Variants in HGS observed in about 807,000 individuals in gnomAD.
HGS encodes the protein human growth factor-regulated tyrosine kinase substrate.
Under a neutral mutation model 109.7 loss-of-function variants are expected in HGS, and 63 were observed. The observed-to-expected ratio is 0.57, with a 90% confidence interval of 0.47 to 0.71. The LOEUF (loss-of-function observed/expected upper bound fraction) is 0.71, where lower values mean the gene tolerates loss of function less well. HGS is among the 30% of genes least tolerant of loss of function. The pLI is 0.00. For synonymous variants in HGS, 546 were observed against 437.3 expected (o/e 1.25, Z -3.10); for missense variants, 995 against 1,068.3 (o/e 0.93, Z 0.96).
At position 81,693,890 on chromosome 17, in the gene HGS, T is replaced by G. The variant is rs751281303; in HGVS notation, c.861T>G (p.Thr287=). ...KERLRQKSTY[T]SYPKAEPMPS... ...CTCAGAGACAGAAGTCCACGTACAC[T>G]TCGTACCCCAAGGCGGAGCCCATGC... is the stretch of plus-strand genomic sequence containing the variant. The change falls in exon 11 of 22, where the codon ACT becomes ACG. Residue 287 remains threonine (T), a synonymous_variant. Transcript: ENST00000329138. 3 of 1,610,566 alleles carry G rather than the reference T, an allele frequency of 1.9e-6. No individual in the cohort carries two copies. The East Asian group carries it at 6.7e-5, about 36-fold the overall frequency.
chr17:81,701,620 C>T lies in HGS; in HGVS notation c.*2C>T. ...GCCCAGCTCATTTCATTCGACTGAC[C>T]CAGGCCATGCTCACGTCCGGAGTAA... On this transcript the variant is annotated 3_prime_UTR_variant, in exon 22 of 22. Coordinates refer to ENST00000329138, the MANE Select transcript of HGS (RefSeq NM_004712.5). 1.3e-6 allele frequency: 2 copies of T among 1,558,474 alleles called. No individual in the cohort carries two copies. The highest frequency in any genetic ancestry group is 1.8e-5 in the Admixed American group (1 of 55,394).
Position 81,701,691 on chromosome 17 carries a change from G to C in HGS, c.*73G>C. 6.7e-7 allele frequency: 1 copy of C among 1,500,444 alleles called. No homozygotes were observed. The highest frequency in any genetic ancestry group is 1.2e-5 in the South Asian group (1 of 80,952). The allele number at this position is 1,500,444 out of a possible 1,614,324, so 92.9% of individuals were successfully genotyped here. A position where few individuals can be genotyped will look rare whatever the true frequency, so the allele number is the denominator to read the frequency against. On this transcript the variant is annotated 3_prime_UTR_variant, in exon 22 of 22. Coordinates refer to ENST00000329138, the MANE Select transcript of HGS (RefSeq NM_004712.5). Reference sequence around the variant, plus strand: ...AAACGCCTCGTCTCTAACTGCCGTCGTCCTGCCTCCCTGTCCTCTACTGCC... The same window carrying C: ...AAACGCCTCGTCTCTAACTGCCGTCCTCCTGCCTCCCTGTCCTCTACTGCC...
At chr17:81,697,053 C>T (rs549178904) in intron 18 of HGS, 55 bp downstream of exon 18, 2 of 1,479,076 alleles carry the variant, frequency 1.4e-6, no homozygotes, top group African/African-American at 1.4e-5. Flanking sequence ...TTTATTTTAG[C>T]CGAATTTACA....
intron 5 of HGS, among the ~76,000 whole-genome samples, chr17:81,689,585 G>A (rs1190710805): frequency 1.3e-5 from 2 of 152,186 alleles, no homozygotes; most frequent in African/African-American, 4.8e-5. Context: ...CTGAAGACGA[G>A]GCTGAGAGCG....
chr17:81,684,012 C>A lies in HGS; in HGVS notation c.-55C>A, dbSNP rs1475607007. 1.9e-6 allele frequency: 3 copies of A among 1,563,818 alleles called. No homozygotes were observed. The highest frequency in any genetic ancestry group is 2.7e-5 in the African/African-American group (2 of 74,046). The stretch of plus-strand genomic sequence containing the variant: ...AGGCGGAAGCGGAAGTCGGGGGGCG[C>A]GCCAGCTCGTAGCAGGGGAGCGCCC... On this transcript the variant is annotated 5_prime_UTR_variant, in exon 1 of 22. Transcript: ENST00000329138.
chr17:81,701,068 C>T lies in HGS; in HGVS notation c.2160C>T (p.Ser720=). 2 of 1,614,056 alleles carry T rather than the reference C, an allele frequency of 1.2e-6. No individual in the cohort carries two copies. Among genetic ancestry groups the T allele is most frequent in the Non-Finnish European group, 1.7e-6 (2 of 1,179,984 alleles). Reference sequence around the variant, plus strand: ...AGAATCTCATGACCACCCTCCCAAGCCAGGATGCGTCTCTGCCACCCCAGC... The same window carrying T: ...AGAATCTCATGACCACCCTCCCAAGTCAGGATGCGTCTCTGCCACCCCAGC... The part of the protein sequence containing the change: ...NMQNLMTTLP[S]QDASLPPQQP... The change falls in exon 21 of 22, where the codon AGC becomes AGT. Residue 720 remains serine, a synonymous_variant. Coordinates refer to ENST00000329138, the MANE Select transcript of HGS (RefSeq NM_004712.5).
chr17:81,701,319 G>C (rs1219253877), intron 21 of HGS, 188 bp downstream of exon 21: 2 of 810,062 alleles, frequency 2.5e-6, no homozygotes, highest in Non-Finnish European at 1.9e-6. Context: ...ACGCGCATCC[G>C]CAAGTGTAGA....
intron 21 of HGS, 84 bp downstream of exon 21, chr17:81,701,215 T>C (rs766569956): frequency 8.0e-7 from 1 of 1,257,040 alleles, no homozygotes; most frequent in South Asian, 1.2e-5. Context: ...CTGGCCCCAG[T>C]GGGGATTGTC....
chr17:81,691,394 C>G lies in HGS; in HGVS notation c.538-53C>G. On this transcript the variant is annotated intron_variant, in intron 7 of 21. Coordinates refer to ENST00000329138, the MANE Select transcript of HGS (RefSeq NM_004712.5). This position sits in a 1 kb window ranked among gnomAD's most constrained non-coding sequence, Gnocchi z 5.3. ...TACGGGGTGGTTCTGGGCCGGGTGG[C>G]GCATCAGGGTCCCCCAGTGCCTGTG... The G allele has an allele frequency of 6.2e-7, 1 of 1,607,614 alleles. No individual in the cohort carries two copies. The highest frequency in any genetic ancestry group is 8.5e-7 in the Non-Finnish European group (1 of 1,177,724).
Position 81,696,653 on chromosome 17 carries a change from A to G in HGS, c.1613A>G (p.Glu538Gly). ...QRQLAIQRLQ[E>G]QEKERQMRLE... Reference sequence around the variant, plus strand: ...CAGCTGGCCATCCAGCGCCTGCAGGAGCAGGAGAAGGAGCGGCAGATGCGG... The same window carrying G: ...CAGCTGGCCATCCAGCGCCTGCAGGGGCAGGAGAAGGAGCGGCAGATGCGG... The change falls in exon 17 of 22, where the codon GAG (glutamate) becomes GGG (glycine). Residue 538 changes from glutamate (E) to glycine (G), a missense_variant. Glu to Gly is a moderately conservative substitution (Grantham distance 98, BLOSUM62 -2). This residue lies in a region of HGS where 163 missense variants were observed against 217.8 expected (regional missense o/e 0.75). Transcript: ENST00000329138. The G allele has an allele frequency of 6.2e-7, 1 of 1,612,004 alleles. No homozygotes were observed. Among genetic ancestry groups the G allele is most frequent in the Non-Finnish European group, 8.5e-7 (1 of 1,179,506 alleles).
Position 81,684,063 on chromosome 17 carries a change from C to T in HGS, c.-4C>T. 6.3e-7 allele frequency: 1 copy of T among 1,593,746 alleles called. No individual in the cohort carries two copies. The highest frequency in any genetic ancestry group is 2.3e-5 in the East Asian group (1 of 44,066). ...GCGGCGTCGGGTTTGGGCTGGAGGT[C>T]GCCATGGGGCGAGGCAGCGGCACCT... On this transcript the variant is annotated 5_prime_UTR_variant, in exon 1 of 22. Coordinates refer to ENST00000329138, the MANE Select transcript of HGS (RefSeq NM_004712.5).
chr17:81,688,415 G>A (rs114154154), intron 4 of HGS, among the ~76,000 whole-genome samples: 2,087 of 152,340 alleles, frequency 0.014, 20 homozygotes, highest in Non-Finnish European at 0.019. Flanking sequence ...GACGGGAACC[G>A]GGGATCCTGG....
At chr17:81,701,390 C>CA (rs1568220948) in intron 21 of HGS, 118 bp from the exon 22 acceptor site, 1 of 1,128,350 alleles carries the variant, frequency 8.9e-7, no homozygotes, top group African/African-American at 1.6e-5. Context: ...GCATGAGCTG[C>CA]AGTCCGTGGA....
In HGS at chr17:81,691,070, C is replaced by T. The variant is rs6565620; in HGVS notation, c.537+328C>T. Reference sequence around the variant, plus strand: ...GTGGCTTAGCCCATCTGGATTCTTACCCTCGAGGCATCTTCACATCAAAAC... The same window carrying T: ...GTGGCTTAGCCCATCTGGATTCTTATCCTCGAGGCATCTTCACATCAAAAC... On this transcript the variant is annotated intron_variant, in intron 7 of 21. Coordinates refer to ENST00000329138, the MANE Select transcript of HGS (RefSeq NM_004712.5). The surrounding 1 kb of genome is among the most constrained non-coding windows in gnomAD (Gnocchi z 5.3). The T allele has an allele frequency of 0.12, 54,077 of 443,232 alleles. 3,817 individuals are homozygous for T. Among genetic ancestry groups the T allele is most frequent in the African/African-American group, 0.17 (8,413 of 50,660 alleles). 27.5% of individuals were successfully genotyped at this position (443,232 alleles called of 1,614,324 possible).
intron 1 of HGS, 139 bp downstream of exon 1, chr17:81,684,242 G>C: frequency 1.3e-6 from 1 of 781,778 alleles, no homozygotes; most frequent in Non-Finnish European, 1.8e-6. Context: ...GTCCTCCCGG[G>C]TTCGGAGCCG....
chr17:81,687,639 T>G (rs2037000126), intron 4 of HGS, among the ~76,000 whole-genome samples: 1 of 152,168 alleles, frequency 6.6e-6, no homozygotes, highest in Admixed American at 6.5e-5. Flanking sequence ...CCCAGGAGAT[T>G]GTGCCGGGGA....
At chr17:81,685,788 G>T in intron 2 of HGS, 99 bp downstream of exon 2, 1 of 837,246 alleles carries the variant, frequency 1.2e-6, no homozygotes. Flanking sequence ...AGCTGACCGT[G>T]TTAGGCTCTT....
At chr17:81,695,279 C>T (rs976590084) in intron 14 of HGS, 56 bp downstream of exon 14, 67 of 1,559,880 alleles carry the variant, frequency 4.3e-5, no homozygotes, top group African/African-American at 6.8e-5. Flanking sequence ...TGGCCCACAG[C>T]GCCAGGCACA....
chr17:81,696,163 A>ATGCAC (rs374574685), intron 15 of HGS, 164 bp downstream of exon 15: 2 of 767,992 alleles, frequency 2.6e-6, no homozygotes, highest in Admixed American at 3.1e-5. Flanking sequence ...AGTGATGACC[A>ATGCAC]TGCCCTGCCC....
Sources: allele counts gnomAD v4.1 joint callset (sites outside exome capture counted in the v4.1 genomes callset), GRCh38; gene constraint gnomAD v4.1.1; regional missense constraint gnomAD v4.1.1; non-coding constraint Gnocchi (gnomAD v3.1); transcripts MANE v1.5; gene names NCBI Gene and HGNC (gene_info 2026-07-23, HGNC 2026-07-21).